Variants in TCF4 observed in about 807,000 individuals in gnomAD.
The protein encoded by TCF4 is SL3-3 enhancer factor 2.
In TCF4, 3 loss-of-function variants were observed where a neutral mutation model predicts 82.1. The ratio of observed to expected loss-of-function variants is 0.04; its 90% CI spans 0.02 to 0.09. The LOEUF (loss-of-function observed/expected upper bound fraction) is 0.09. TCF4 is among the 10% of genes least tolerant of loss of function. The pLI is 1.00. For synonymous variants in TCF4, 276 were observed against 309.6 expected, an observed-to-expected ratio of 0.89 and a Z score of 1.14; for missense variants, 518 against 852.7, an observed-to-expected ratio of 0.61 and a Z score of 4.89.
At chr18:55,612,344 C>T (rs1180236151) in intron 2 of TCF4, among the ~76,000 whole-genome samples, 6 of 152,002 alleles carry the variant, frequency 3.9e-5, no homozygotes, top group East Asian at 1.9e-4. Context: ...TGAGGACCAA[C>T]GTAATGAAGT....
At chr18:55,252,864 T>G (rs980032130) in intron 15 of TCF4, among the ~76,000 whole-genome samples, 1 of 152,028 alleles carries the variant, frequency 6.6e-6, no homozygotes, top group Non-Finnish European at 1.5e-5. Context: ...ACATTGTAGT[T>G]AGAAAAAAAA....
At chr18:55,539,060 G>A (rs1263752374) in intron 3 of TCF4, among the ~76,000 whole-genome samples, 4 of 149,812 alleles carry the variant, frequency 2.7e-5, no homozygotes, top group Admixed American at 6.6e-5. Flanking sequence ...AAAAAAAAAA[G>A]CCTGGATAAA....
intron 8 of TCF4, among the ~76,000 whole-genome samples, chr18:55,330,684 GC>G (rs1398123438): frequency 6.6e-6 from 1 of 152,030 alleles, no homozygotes; most frequent in African/African-American, 2.4e-5. Context: ...TCTTGCCTCA[GC>G]CTCCTGAGTG....
intron 3 of TCF4, among the ~76,000 whole-genome samples, chr18:55,494,997 A>G (rs2145889939): frequency 6.6e-6 from 1 of 152,052 alleles, no homozygotes; most frequent in East Asian, 1.9e-4. Flanking sequence ...TACACAAAGA[A>G]ACACAGCTCA....
At chr18:55,635,699 C>G (rs766123130) in intron 1 of TCF4, 34 of 1,546,700 alleles carry the variant, frequency 2.2e-5, no homozygotes, top group African/African-American at 4.1e-5. Context: ...ATGCTGGTTC[C>G]TACCTCCAAG....
intron 3 of TCF4, among the ~76,000 whole-genome samples, chr18:55,472,779 C>T (rs1449506325): frequency 6.6e-6 from 1 of 151,908 alleles, no homozygotes; most frequent in African/African-American, 2.4e-5. Flanking sequence ...TTCAACATTA[C>T]ACAGATAAGT....
chr18:55,427,213 T>C (rs1475059237), intron 5 of TCF4, among the ~76,000 whole-genome samples: 1 of 152,164 alleles, frequency 6.6e-6, no homozygotes, highest in African/African-American at 2.4e-5. Flanking sequence ...TCCAGCTTCT[T>C]TTCCCTTTTC....
intron 5 of TCF4, among the ~76,000 whole-genome samples, chr18:55,426,085 C>A (rs1396257121): frequency 1.4e-5 from 2 of 140,996 alleles, no homozygotes; most frequent in African/African-American, 6.0e-5. Context: ...AAACACAAAC[C>A]AAGACAAAAA....
intron 5 of TCF4, among the ~76,000 whole-genome samples, chr18:55,425,726 C>G (rs1183717388): frequency 6.6e-6 from 1 of 152,188 alleles, no homozygotes; most frequent in East Asian, 1.9e-4. Flanking sequence ...AAAGCAGAGC[C>G]TATTCTAGCT....
chr18:55,395,056 G>C (rs546687008), intron 6 of TCF4, among the ~76,000 whole-genome samples: 1 of 152,076 alleles, frequency 6.6e-6, no homozygotes, highest in Non-Finnish European at 1.5e-5. Context: ...CAGTTTTAAA[G>C]AGTTTCAGTA....
At chr18:55,422,316 C>T (rs991000077) in intron 5 of TCF4, 15 of 984,958 alleles carry the variant, frequency 1.5e-5, no homozygotes, top group African/African-American at 1.2e-4. Context: ...GAGGACAGAA[C>T]ACAACATGCT....
At chr18:55,248,964 C>T (rs557157907) in intron 15 of TCF4, among the ~76,000 whole-genome samples, 7 of 152,216 alleles carry the variant, frequency 4.6e-5, no homozygotes, top group African/African-American at 9.6e-5. Flanking sequence ...AGGCTGGCCT[C>T]GAACTCCTGA....
At chr18:55,510,096 G>GCT (rs1205118447) in intron 3 of TCF4, among the ~76,000 whole-genome samples, 1 of 149,566 alleles carries the variant, frequency 6.7e-6, no homozygotes, top group African/African-American at 2.6e-5. Context: ...CTAAACCAAG[G>GCT]CCAAGTCTCC....
At chr18:55,515,293 T>G (rs928449927) in intron 3 of TCF4, among the ~76,000 whole-genome samples, 1 of 152,168 alleles carries the variant, frequency 6.6e-6, no homozygotes, top group Non-Finnish European at 1.5e-5. Context: ...TTAAGTATGG[T>G]CACACTCATT....
At chr18:55,287,842 T>C (rs1339481295) in intron 8 of TCF4, among the ~76,000 whole-genome samples, 1 of 152,228 alleles carries the variant, frequency 6.6e-6, no homozygotes. Flanking sequence ...TATCCTCTTA[T>C]GTTTTTCATA....
chr18:55,487,092 A>T (rs150972332), intron 3 of TCF4, among the ~76,000 whole-genome samples: 1 of 152,268 alleles, frequency 6.6e-6, no homozygotes, highest in Non-Finnish European at 1.5e-5. Context: ...GGTGCTCAGG[A>T]TCTGTGTGTA....
intron 5 of TCF4, among the ~76,000 whole-genome samples, chr18:55,450,445 TATGCTCC>T (rs1468494034): frequency 6.6e-6 from 1 of 152,236 alleles, no homozygotes; most frequent in African/African-American, 2.4e-5. Flanking sequence ...AATCTCAACC[TATGCTCC>T]ATATATTTTG....
chr18:55,451,948 G>C (rs981521394), intron 5 of TCF4, among the ~76,000 whole-genome samples: 28 of 152,290 alleles, frequency 1.8e-4, no homozygotes, highest in African/African-American at 6.7e-4. Flanking sequence ...TGAAGATGCA[G>C]TGAGCTATAA....
intron 2 of TCF4, among the ~76,000 whole-genome samples, chr18:55,611,351 A>G (rs541508626): frequency 6.6e-6 from 1 of 152,176 alleles, no homozygotes; most frequent in African/African-American, 2.4e-5. Context: ...AAGTTTTTCT[A>G]CCACTCTACT....
Sources: allele counts gnomAD v4.1 joint callset (sites outside exome capture counted in the v4.1 genomes callset), GRCh38; gene constraint gnomAD v4.1.1; transcripts MANE v1.5; gene names NCBI Gene and HGNC (gene_info 2026-07-23, HGNC 2026-07-21).